TMEM131L: variants seen among roughly 807,000 people sequenced by gnomAD.
TMEM131L encodes the protein transmembrane 131 like, also known as transmembrane protein 131-like.
Under a neutral mutation model 192.2 loss-of-function variants are expected in TMEM131L, and 54 were observed. That is an observed-to-expected ratio of 0.28 (90% CI 0.23 to 0.35). The LOEUF is 0.35. Among genes scored for constraint, TMEM131L ranks in the 10% least tolerant of loss-of-function variants. The pLI is 1.00. For missense variants in TMEM131L, 1,888 were observed against 1,972.9 expected (o/e 0.96, Z 0.82); for synonymous variants, 701 against 704.9 (o/e 0.99, Z 0.09).
chr4:153,583,760 GT>G (rs1264220034), intron 11 of TMEM131L, 88 bp downstream of exon 11: 1 of 777,180 alleles, frequency 1.3e-6, no homozygotes, highest in Non-Finnish European at 2.2e-6. Context: ...ATTAGGCATG[GT>G]TTCAAAAAAG....
chr4:153,507,384 A>C (rs1472550974), intron 3 of TMEM131L, among the ~76,000 whole-genome samples: 1 of 152,192 alleles, frequency 6.6e-6, no homozygotes, highest in Admixed American at 6.5e-5. Flanking sequence ...TCTGCGTGGC[A>C]CATCTCCACG....
At chr4:153,526,520 G>A (rs1463467770) in intron 3 of TMEM131L, among the ~76,000 whole-genome samples, 1 of 151,984 alleles carries the variant, frequency 6.6e-6, no homozygotes, top group African/African-American at 2.4e-5. Flanking sequence ...GGATCACGAG[G>A]TCAGGAGATT....
intron 3 of TMEM131L, among the ~76,000 whole-genome samples, chr4:153,510,660 T>C (rs780651021): frequency 2.0e-5 from 3 of 152,178 alleles, no homozygotes; most frequent in Non-Finnish European, 4.4e-5. Context: ...GGCAGATCAG[T>C]TGAGCCCAGG....
In TMEM131L at chr4:153,608,964, TGCACCTCCCAAC is replaced by T. The variant is rs1732430271; in HGVS notation, c.3419-3286_3419-3275del. On this transcript the variant is annotated intron_variant, in intron 25 of 34. Transcript: ENST00000409959. ...TACCACCGTGAAGGGCATTAACATG[TGCACCTCCCAAC>T]GTCTTCTCCTGCCCCCTTTATTATT... is the stretch of plus-strand genomic sequence containing the variant. 2.6e-5 allele frequency among the ~76,000 whole-genome samples: 4 copies of T among 152,206 alleles called. No homozygotes were observed. The South Asian group carries it at 8.3e-4, about 31-fold the overall frequency.
chr4:153,557,061 G>C lies in TMEM131L; in HGVS notation c.528G>C (p.Ser176=), dbSNP rs145797262. 6 of 1,521,816 alleles carry C rather than the reference G, an allele frequency of 3.9e-6. No homozygotes were observed. The highest frequency in any genetic ancestry group is 2.8e-5 in the African/African-American group (2 of 72,410). The allele number at this position is 1,521,816 out of a possible 1,614,324, so 94.3% of individuals were successfully genotyped here. ...IESSLFINTS[S]YGVLSYHVSG... ...GTTCCTTATTTATTAATACCTCTTCGTATGGAGTCCTTTCCTATCATGTGA... is the reference window on the plus strand; with the variant it reads ...GTTCCTTATTTATTAATACCTCTTCCTATGGAGTCCTTTCCTATCATGTGA... The change falls in exon 6 of 35, where the codon TCG becomes TCC. Residue 176 remains serine, a synonymous_variant. Transcript: ENST00000409959.
intron 3 of TMEM131L, among the ~76,000 whole-genome samples, chr4:153,487,381 A>G (rs897428123): frequency 2.6e-5 from 4 of 152,040 alleles, no homozygotes; most frequent in Admixed American, 6.6e-5. Flanking sequence ...GTGTCCGAAG[A>G]AGTTCTGCTG....
At position 153,603,118 on chromosome 4, in the gene TMEM131L, A is replaced by G. The variant is rs564194276; in HGVS notation, c.2640-185A>G. ...AATGTCAAATTTATAAATATGCACAATTTTGGAAACTTTTGTGTGTGTGTT... is the reference window on the plus strand; with the variant it reads ...AATGTCAAATTTATAAATATGCACAGTTTTGGAAACTTTTGTGTGTGTGTT... On this transcript the variant is annotated intron_variant, in intron 23 of 34. Transcript: ENST00000409959. 4.6e-5 allele frequency among the ~76,000 whole-genome samples: 7 copies of G among 152,320 alleles called. No homozygotes were observed. The South Asian group carries it at 1.4e-3, about 32-fold the overall frequency.
chr4:153,611,687 T>G (rs1732625958), intron 25 of TMEM131L, among the ~76,000 whole-genome samples: 1 of 152,212 alleles, frequency 6.6e-6, no homozygotes, highest in African/African-American at 2.4e-5. Context: ...TCTCTATGAA[T>G]TCGATTACTC....
At chr4:153,475,369 C>G (rs1337039126) in intron 3 of TMEM131L, among the ~76,000 whole-genome samples, 1 of 152,084 alleles carries the variant, frequency 6.6e-6, no homozygotes, top group Non-Finnish European at 1.5e-5. Flanking sequence ...ACGGATAGTG[C>G]TGTAATAAAG....
At chr4:153,478,015 A>G (rs912159826) in intron 3 of TMEM131L, among the ~76,000 whole-genome samples, 1 of 152,202 alleles carries the variant, frequency 6.6e-6, no homozygotes, top group East Asian at 1.9e-4. Context: ...TCAGTACATC[A>G]TAGTTCACAG....
rs562825838 is a variant in TMEM131L at position 153,603,336 on chromosome 4, C to T, written c.2673C>T (p.Phe891=). ...LSLLGVILIA[F]QQAQYILMEF... ...TGTTGGGTGTGATTTTAATAGCCTT[C>T]CAACAAGCACAGTACATTCTCATGG... The change falls in exon 24 of 35, where the codon TTC becomes TTT. Residue 891 remains phenylalanine, a synonymous_variant. Transcript: ENST00000409959. 17 of 1,613,626 alleles carry T rather than the reference C, an allele frequency of 1.1e-5. No homozygotes were observed. Among genetic ancestry groups the T allele is most frequent in the Admixed American group, 8.3e-5 (5 of 59,930 alleles).
intron 3 of TMEM131L, among the ~76,000 whole-genome samples, chr4:153,520,421 ATCACACCATTGC>A (rs756392924): frequency 6.6e-6 from 1 of 152,228 alleles, no homozygotes; most frequent in Non-Finnish European, 1.5e-5. Context: ...GTGAGACATG[ATCACACCATTGC>A]TCTCCAGCCT....
At chr4:153,577,881 G>A (rs1730063389) in intron 7 of TMEM131L, among the ~76,000 whole-genome samples, 1 of 152,204 alleles carries the variant, frequency 6.6e-6, no homozygotes, top group Non-Finnish European at 1.5e-5. Flanking sequence ...AGATTCAGGT[G>A]GATGCCCAGT....
intron 11 of TMEM131L, 39 bp downstream of exon 11, chr4:153,583,711 A>T (rs758006990): frequency 8.3e-7 from 1 of 1,206,008 alleles, no homozygotes; most frequent in Non-Finnish European, 1.2e-6. Flanking sequence ...GACTTTTGTT[A>T]TCTGGTTGTC....
intron 6 of TMEM131L, 79 bp from the exon 7 acceptor site, chr4:153,558,179 T>C (rs1295672441): frequency 4.4e-6 from 3 of 687,902 alleles, no homozygotes; most frequent in Non-Finnish European, 7.9e-6. Flanking sequence ...CAGATTTCCT[T>C]TGGAGACGTG....
At position 153,593,804 on chromosome 4, in the gene TMEM131L, G is replaced by A. The variant is rs373784376; in HGVS notation, c.1928G>A (p.Gly643Asp). The A allele has an allele frequency of 1.2e-5, 19 of 1,610,670 alleles. No homozygotes were observed. Among genetic ancestry groups the A allele is most frequent in the Admixed American group, 8.3e-5 (5 of 59,982 alleles). The stretch of plus-strand genomic sequence containing the variant: ...ATTTGCTTTTTTCCTTATAGGTTTG[G>A]CACTGATATGCAGATGATTAATTTC... ...ALVHLLHRWF[G>D]TDMQMINFTT... The change falls in exon 19 of 35, where the codon GGC becomes GAC. Residue 643 changes from glycine (G) to aspartate (D), a missense_variant. By Grantham distance (94) the Gly-to-Asp change is moderately conservative. Transcript: ENST00000409959.
chr4:153,589,953 T>C (rs1730956268), intron 16 of TMEM131L, among the ~76,000 whole-genome samples: 2 of 152,374 alleles, frequency 1.3e-5, no homozygotes, highest in South Asian at 4.1e-4. Context: ...ATTAGGAAAT[T>C]CTTTATTTCC....
Position 153,532,578 on chromosome 4 carries a change from CTT to C in TMEM131L, c.240-17492_240-17491del, listed in dbSNP as rs573695005. 3.6e-3 allele frequency among the ~76,000 whole-genome samples: 540 copies of C among 152,048 alleles called. 3 individuals carry two copies. Among genetic ancestry groups the C allele is most frequent in the African/African-American group, 0.012 (501 of 41,494 alleles). The stretch of plus-strand genomic sequence containing the variant: ...AGCAGCACACTCTAATTTTAGAACA[CTT>C]TTATCCCTCCTAAAATAACCTGTTG... On this transcript the variant is annotated intron_variant, in intron 3 of 34. Transcript: ENST00000409959.
At chr4:153,568,542 T>C (rs79801659) in intron 7 of TMEM131L, among the ~76,000 whole-genome samples, 5,744 of 152,320 alleles carry the variant, frequency 0.038, 356 homozygotes, top group African/African-American at 0.13. Context: ...TGAATTTTTC[T>C]GTACTAGATT....
Sources: allele counts gnomAD v4.1 joint callset (sites outside exome capture counted in the v4.1 genomes callset), GRCh38; gene constraint gnomAD v4.1.1; transcripts MANE v1.5; gene names NCBI Gene and HGNC (gene_info 2026-07-23, HGNC 2026-07-21).